Variants in CTSK observed in about 807,000 individuals in gnomAD.
CTSK encodes the protein cathepsin O.
Under a neutral mutation model 40.5 loss-of-function variants are expected in CTSK, and 26 were observed. The observed-to-expected ratio is 0.64, with a 90% CI of 0.47 to 0.89. The LOEUF (loss-of-function observed/expected upper bound fraction) is 0.89, where lower values mean the gene tolerates loss of function less well. CTSK is among the 40% of genes least tolerant of loss of function. The pLI is 0.00. For synonymous variants in CTSK, 132 were observed against 143.2 expected, an observed-to-expected ratio of 0.92 and a Z score of 0.56; for missense variants, 292 against 400.1, an observed-to-expected ratio of 0.73 and a Z score of 2.30.
intron 7 of CTSK, among the ~76,000 whole-genome samples, chr1:150,797,412 T>C (rs1476344479): frequency 6.6e-6 from 1 of 152,168 alleles, no homozygotes; most frequent in Non-Finnish European, 1.5e-5. Context: ...GAGAGTGATA[T>C]GATCAGAGCT....
intron 5 of CTSK, chr1:150,800,664 T>G (rs749504093): frequency 4.7e-6 from 1 of 212,270 alleles, no homozygotes; most frequent in African/African-American, 2.3e-5. Flanking sequence ...AACCCTAAGG[T>G]TGCATCCACA....
intron 1 of CTSK, chr1:150,807,543 C>A (rs777590142): frequency 1.1e-5 from 4 of 348,094 alleles, no homozygotes; most frequent in Non-Finnish European, 2.3e-5. Context: ...CTGTGGCTGC[C>A]GCAAAGGACA....
rs779796688 is a variant in CTSK at position 150,806,810 on chromosome 1, C to A, written c.-1-4G>T. The A allele has an allele frequency of 1.9e-6, 3 of 1,613,544 alleles. No individual in the cohort carries two copies. Among genetic ancestry groups the A allele is most frequent in the Admixed American group, 1.7e-5 (1 of 60,006 alleles). ...CAGAACCTTGAGCCCCCACATCCTG[C>A]AGAAGAATGTAGTTAGGGAAAACTC... On this transcript the variant is annotated splice_polypyrimidine_tract_variant and splice_region_variant and intron_variant, in intron 1 of 7. Transcript: ENST00000271651.
At chr1:150,804,836 G>A (rs1654055074) in intron 4 of CTSK, among the ~76,000 whole-genome samples, 1 of 152,066 alleles carries the variant, frequency 6.6e-6, no homozygotes, top group Non-Finnish European at 1.5e-5. Context: ...TAAATCAATT[G>A]TTTATCTTGC....
At chr1:150,807,539 C>T (rs1654133499) in intron 1 of CTSK, 3 of 354,166 alleles carry the variant, frequency 8.5e-6, no homozygotes, top group Non-Finnish European at 1.7e-5. Context: ...CCCACTGTGG[C>T]TGCCGCAAAG....
intron 5 of CTSK, among the ~76,000 whole-genome samples, chr1:150,801,722 G>A (rs1653992988): frequency 1.3e-5 from 2 of 151,298 alleles, no homozygotes; most frequent in Non-Finnish European, 2.9e-5. Flanking sequence ...TGTATTTTTA[G>A]TAGAGACAGG....
At chr1:150,806,843 T>C in intron 1 of CTSK, 37 bp from the exon 2 acceptor site, 3 of 1,611,144 alleles carry the variant, frequency 1.9e-6, no homozygotes, top group Non-Finnish European at 2.5e-6. Flanking sequence ...CTCTTCCATT[T>C]GGCAGGGAAA....
chr1:150,806,848 G>T (rs1304279698), intron 1 of CTSK, 42 bp from the exon 2 acceptor site: 2 of 1,609,554 alleles, frequency 1.2e-6, no homozygotes, highest in South Asian at 2.2e-5. Flanking sequence ...CCATTTGGCA[G>T]GGAAACAGAG....
At chr1:150,804,586 A>T (rs1654051640) in intron 4 of CTSK, among the ~76,000 whole-genome samples, 1 of 152,214 alleles carries the variant, frequency 6.6e-6, no homozygotes, top group South Asian at 2.1e-4. Context: ...TGTTATAAGG[A>T]TTAAATATTT....
At chr1:150,806,848 G>A in intron 1 of CTSK, 42 bp from the exon 2 acceptor site, 1 of 1,609,554 alleles carries the variant, frequency 6.2e-7, no homozygotes, top group Non-Finnish European at 8.5e-7. Flanking sequence ...CCATTTGGCA[G>A]GGAAACAGAG....
chr1:150,799,225 A>G lies in CTSK; in HGVS notation c.833T>C (p.Val278Ala). ...CTGGATTCCATATCCCACTGCCAAA[A>G]CTGCATGGTTCAGATTATCGCTATT... ...SCNSDNLNHA[V>A]LAVGYGIQKG... Residue 278 changes from valine to alanine, a missense_variant, in exon 7 of 8, where the codon GTT becomes GCT. Coordinates refer to ENST00000271651, the MANE Select transcript of CTSK (RefSeq NM_000396.4). The G allele has an allele frequency of 6.2e-7, 1 of 1,613,456 alleles. No homozygotes were observed. The highest frequency in any genetic ancestry group is 1.1e-5 in the South Asian group (1 of 91,052).
At chr1:150,799,392 ATGCTGCTCCATAC>A in intron 6 of CTSK, 119 bp from the exon 7 acceptor site, 1 of 1,191,842 alleles carries the variant, frequency 8.4e-7, no homozygotes, top group Non-Finnish European at 1.3e-6. Flanking sequence ...TACCACAGAG[ATGCTGCTCCATAC>A]TGCAGCAGTT....
intron 2 of CTSK, 108 bp downstream of exon 2, chr1:150,806,578 G>T: frequency 7.0e-7 from 1 of 1,421,592 alleles, no homozygotes. Flanking sequence ...AAGAGGGACT[G>T]ATTTGCTTGG....
At chr1:150,800,827 C>T (rs1653976668) in intron 5 of CTSK, 1 of 152,278 alleles carries the variant, frequency 6.6e-6, no homozygotes, top group Non-Finnish European at 1.5e-5. Context: ...AATACATTAT[C>T]TAACATTATC....
In CTSK at chr1:150,799,706, C is replaced by G. The variant is rs777030210; in HGVS notation, c.622G>C (p.Glu208Gln). 1.9e-6 allele frequency: 3 copies of G among 1,614,036 alleles called. No individual in the cohort carries two copies. The highest frequency in any genetic ancestry group is 2.5e-6 in the Non-Finnish European group (3 of 1,179,978). ...CCTGTTGGGTTGTACATACAACTCT[C>G]TTCCTGGAAGAAACAAGATTGTAAT... ...EDAYPYVGQE[E>Q]SCMYNPTGKA... Residue 208 changes from glutamate to glutamine, a missense_variant, in exon 6 of 8, where the codon GAG becomes CAG. Coordinates refer to ENST00000271651, the MANE Select transcript of CTSK (RefSeq NM_000396.4).
At chr1:150,802,923 A>G (rs587697227) in intron 5 of CTSK, among the ~76,000 whole-genome samples, 1 of 152,346 alleles carries the variant, frequency 6.6e-6, no homozygotes, top group Non-Finnish European at 1.5e-5. Context: ...AAAACAAATG[A>G]GCAAGAGATA....
At chr1:150,805,030 G>A (rs868393797) in intron 4 of CTSK, among the ~76,000 whole-genome samples, 1 of 151,770 alleles carries the variant, frequency 6.6e-6, no homozygotes, top group South Asian at 2.1e-4. Flanking sequence ...TGGGTAGCAT[G>A]GCAAAACTCT....
At position 150,796,633 on chromosome 1, in the gene CTSK, T is replaced by G. The variant is rs1479606214; in HGVS notation, c.*166A>C. The G allele has an allele frequency of 1.4e-6, 1 of 730,864 alleles. No homozygotes were observed. Among genetic ancestry groups the G allele is most frequent in the Non-Finnish European group, 2.5e-6 (1 of 401,884 alleles). 45.3% of individuals were successfully genotyped at this position (730,864 alleles called of 1,614,324 possible). Reference sequence around the variant, plus strand: ...AGGTCATGGGTGGAGAGAAGCAAAGTAGGAAGGATCATTTGAAGCACAAAC... The same window carrying G: ...AGGTCATGGGTGGAGAGAAGCAAAGGAGGAAGGATCATTTGAAGCACAAAC... On this transcript the variant is annotated 3_prime_UTR_variant, in exon 8 of 8. Coordinates refer to ENST00000271651, the MANE Select transcript of CTSK (RefSeq NM_000396.4).
In CTSK at chr1:150,806,668, C is replaced by G; in HGVS notation, c.120+18G>C. Reference sequence around the variant, plus strand: ...GGTCTCAGCCTTCCTGCCATGCCCCCTCCAGGACCCCAGGCACCTTGTTGT... The same window carrying G: ...GGTCTCAGCCTTCCTGCCATGCCCCGTCCAGGACCCCAGGCACCTTGTTGT... On this transcript the variant is annotated intron_variant, in intron 2 of 7. Transcript: ENST00000271651. The G allele has an allele frequency of 6.2e-7, 1 of 1,613,672 alleles. No individual in the cohort carries two copies. Among genetic ancestry groups the G allele is most frequent in the Non-Finnish European group, 8.5e-7 (1 of 1,180,000 alleles).
Sources: gnomAD v4.1 joint callset for allele counts (sites outside exome capture counted in the v4.1 genomes callset) on GRCh38, gnomAD v4.1.1 for gene constraint, MANE v1.5 for transcripts, NCBI Gene and HGNC (gene_info 2026-07-23, HGNC 2026-07-21) for gene names.